The following ALG1L2 variants were observed in gnomAD, a reference collection of about 807,000 sequenced individuals.
ALG1L2 encodes the protein putative glycosyltransferase ALG1L2.
A neutral mutation model predicts 29.0 loss-of-function variants in ALG1L2; 32 were observed. The ratio of observed to expected loss-of-function variants is 1.10; its 90% CI spans 0.83 to 1.48. The LOEUF (loss-of-function observed/expected upper bound fraction) is 1.48, where lower values mean the gene tolerates loss of function less well. ALG1L2 is among the 40% of genes most tolerant of loss of function. The pLI, the probability that ALG1L2 is intolerant of heterozygous loss-of-function variation, is 0.00. For synonymous variants in ALG1L2, 110 were observed against 109.5 expected (o/e 1.00, Z -0.03); for missense variants, 318 against 274.1 (o/e 1.16, Z -1.13).
At chr3:130,088,894 T>C (rs984589072) in intron 1 of ALG1L2, among the ~76,000 whole-genome samples, 7 of 152,310 alleles carry the variant, frequency 4.6e-5, no homozygotes, top group Non-Finnish European at 8.8e-5. Flanking sequence ...GTCTCAGGTA[T>C]GTCTTTATTA....
At chr3:130,091,718 T>A (rs1026749072) in intron 2 of ALG1L2, 23 of 557,590 alleles carry the variant, frequency 4.1e-5, no homozygotes, top group African/African-American at 4.1e-4. Context: ...TGTGGACCTG[T>A]GTGTCCCCTG....
intron 6 of ALG1L2, among the ~76,000 whole-genome samples, chr3:130,096,845 CA>C (rs1351937473): frequency 2.6e-5 from 4 of 152,186 alleles, no homozygotes; most frequent in Non-Finnish European, 5.9e-5. Context: ...AACCAGTCCC[CA>C]GGGGGTTGCC....
chr3:130,092,135 G>A lies in ALG1L2; in HGVS notation c.166G>A (p.Ala56Thr). Residue 56 changes from alanine to threonine, a missense_variant, in exon 3 of 8, where the codon GCC becomes ACC. Ala to Thr is a moderately conservative substitution (Grantham distance 58). Coordinates refer to ENST00000425059, the MANE Select transcript of ALG1L2 (RefSeq NM_001136152.1). ...EPEDPDTERS[A>T]FTERDSGSGL... ...TGAGGACCCAGACACAGAGCGGTCG[G>A]CCTTCACGGAGCGGGATTCTGGGAG... The A allele has an allele frequency of 3.1e-6, 5 of 1,613,624 alleles. No homozygotes were observed. The highest frequency in any genetic ancestry group is 2.2e-5 in the East Asian group (1 of 44,862).
chr3:130,097,520 G>A (rs1390350332), intron 7 of ALG1L2, among the ~76,000 whole-genome samples: 2 of 152,254 alleles, frequency 1.3e-5, no homozygotes, highest in Non-Finnish European at 2.9e-5. Context: ...GGTGGGCCAG[G>A]CTGCAGTTTA....
chr3:130,082,326 A>T (rs1240976361), intron 1 of ALG1L2, among the ~76,000 whole-genome samples: 1 of 118,582 alleles, frequency 8.4e-6, no homozygotes, highest in Non-Finnish European at 2.0e-5. Flanking sequence ...ATTCCTCCTC[A>T]TTTTATGTGT....
intron 3 of ALG1L2, among the ~76,000 whole-genome samples, chr3:130,092,596 C>T (rs1935041696): frequency 1.3e-5 from 2 of 152,256 alleles, no homozygotes; most frequent in East Asian, 1.9e-4. Context: ...GCCCTGAATC[C>T]CCAGTTGGGT....
chr3:130,089,831 A>G (rs1257566230), intron 1 of ALG1L2, among the ~76,000 whole-genome samples: 1 of 152,312 alleles, frequency 6.6e-6, no homozygotes, highest in East Asian at 1.9e-4. Flanking sequence ...ACCTGAGGTC[A>G]GGAGTTCGAT....
chr3:130,092,019 G>A (rs1412314005), intron 2 of ALG1L2, 82 bp from the exon 3 acceptor site: 4 of 1,580,990 alleles, frequency 2.5e-6, no homozygotes, highest in South Asian at 2.3e-5. Context: ...GAGCCTGCAG[G>A]CCTCACCATG....
At position 130,092,081 on chromosome 3, in the gene ALG1L2, G is replaced by T. The variant is rs1388762124; in HGVS notation, c.132-20G>T. The T allele has an allele frequency of 5.0e-5, 80 of 1,612,502 alleles. No individual in the cohort carries two copies. Among genetic ancestry groups the T allele is most frequent in the Admixed American group, 6.7e-5 (4 of 59,894 alleles). Reference sequence around the variant, plus strand: ...GGCCTGCTCTGTGGCCTCTCACAGGGTTTTTTTCTGCTCCTTCAGCTCAGA... The same window carrying T: ...GGCCTGCTCTGTGGCCTCTCACAGGTTTTTTTTCTGCTCCTTCAGCTCAGA... On this transcript the variant is annotated intron_variant, in intron 2 of 7. Transcript: ENST00000425059.
At chr3:130,089,210 G>A (rs547347320) in intron 1 of ALG1L2, among the ~76,000 whole-genome samples, 140 of 152,388 alleles carry the variant, frequency 9.2e-4, no homozygotes, top group South Asian at 6.6e-3. Flanking sequence ...AAGCTCCCAA[G>A]TAAACTGAGG....
intron 1 of ALG1L2, among the ~76,000 whole-genome samples, 168 bp downstream of exon 1, chr3:130,082,204 A>T (rs1934799285): frequency 6.7e-6 from 1 of 148,570 alleles, no homozygotes; most frequent in South Asian, 2.1e-4. Context: ...AGAGTGTGAG[A>T]GGGATGGAAA....
chr3:130,083,974 T>C lies in ALG1L2; in HGVS notation c.20+1938T>C, dbSNP rs184910223. Among the ~76,000 whole-genome samples the C allele has an allele frequency of 5.6e-3, 849 of 151,212 alleles. 5 individuals are homozygous for C. Among genetic ancestry groups the C allele is most frequent in the African/African-American group, 0.011 (472 of 41,324 alleles). On this transcript the variant is annotated intron_variant, in intron 1 of 7. Coordinates refer to ENST00000425059, the MANE Select transcript of ALG1L2 (RefSeq NM_001136152.1). ...GCTGGTGGTACTGTTGGCTGGGAAA[T>C]CTAGGAAATCCAGCATTGAAGGACC...
chr3:130,086,150 AAAAC>A (rs1934886899), intron 1 of ALG1L2, among the ~76,000 whole-genome samples: 1 of 151,376 alleles, frequency 6.6e-6, no homozygotes, highest in Admixed American at 6.6e-5. Flanking sequence ...ATCATTTATT[AAAAC>A]AAATAAGAGG....
chr3:130,081,966 G>C lies in ALG1L2; in HGVS notation c.-51G>C, dbSNP rs1175911378. 2 of 1,434,746 alleles carry C rather than the reference G, an allele frequency of 1.4e-6. No homozygotes were observed. Among genetic ancestry groups the C allele is most frequent in the Admixed American group, 2.0e-5 (1 of 49,472 alleles). 88.9% of individuals were successfully genotyped at this position (1,434,746 alleles called of 1,614,324 possible). Reference sequence around the variant, plus strand: ...GGGTGTGAGGCTGTCACAGAGGCTGGAGAAATAAGCAGTTCCTTGCTAAGA... The same window carrying C: ...GGGTGTGAGGCTGTCACAGAGGCTGCAGAAATAAGCAGTTCCTTGCTAAGA... On this transcript the variant is annotated 5_prime_UTR_variant, in exon 1 of 8. Coordinates refer to ENST00000425059, the MANE Select transcript of ALG1L2 (RefSeq NM_001136152.1).
chr3:130,084,545 G>A lies in ALG1L2; in HGVS notation c.20+2509G>A, dbSNP rs1362006895. Among the ~76,000 whole-genome samples the A allele has an allele frequency of 6.1e-5, 8 of 131,414 alleles. 2 individuals carry two copies. The highest frequency in any genetic ancestry group is 1.6e-4 in the Admixed American group (2 of 12,476). The allele number at this position is 131,414 out of a possible 152,430, so 86.2% of individuals were successfully genotyped here. A position where few individuals can be genotyped will look rare whatever the true frequency, so the allele number is the denominator to read the frequency against. On this transcript the variant is annotated intron_variant, in intron 1 of 7. Transcript: ENST00000425059. Reference sequence around the variant, plus strand: ...AGCTAAAATGAAGACAATAACAGCAGCACTTATGGGCGGGGCGGTAGTGGT... The same window carrying A: ...AGCTAAAATGAAGACAATAACAGCAACACTTATGGGCGGGGCGGTAGTGGT...
rs1559788436 is a variant in ALG1L2 at position 130,094,650 on chromosome 3, C to T, written c.424+137C>T. 1.2e-5 allele frequency: 12 copies of T among 1,011,422 alleles called. No individual in the cohort carries two copies. The Admixed American group carries it at 1.3e-4, about 11-fold the overall frequency. 62.7% of individuals were successfully genotyped at this position (1,011,422 alleles called of 1,614,324 possible). A position where few individuals can be genotyped will look rare whatever the true frequency, so the allele number is the denominator to read the frequency against. ...AGGACCTGGGCTCTAGCTGAACTCCCGGGAGAAGGCTACTTCCTGGTGTGC... is the reference window on the plus strand; with the variant it reads ...AGGACCTGGGCTCTAGCTGAACTCCTGGGAGAAGGCTACTTCCTGGTGTGC... On this transcript the variant is annotated intron_variant, in intron 5 of 7. Coordinates refer to ENST00000425059, the MANE Select transcript of ALG1L2 (RefSeq NM_001136152.1).
At chr3:130,083,091 C>CAT (rs1934822188) in intron 1 of ALG1L2, among the ~76,000 whole-genome samples, 1 of 132,292 alleles carries the variant, frequency 7.6e-6, no homozygotes, top group Non-Finnish European at 1.8e-5. Flanking sequence ...CTTCCTTATG[C>CAT]ATCAGTAAGC....
At chr3:130,088,458 C>T (rs181720779) in intron 1 of ALG1L2, among the ~76,000 whole-genome samples, 134 of 152,412 alleles carry the variant, frequency 8.8e-4, no homozygotes, top group Non-Finnish European at 1.5e-3. Context: ...CACTCTGTTG[C>T]CCAGGCTGGA....
Position 130,096,731 on chromosome 3 carries a change from G to A in ALG1L2, c.540-444G>A, listed in dbSNP as rs1245786178. 3.9e-5 allele frequency among the ~76,000 whole-genome samples: 6 copies of A among 152,110 alleles called. 1 individual carries two copies. Among genetic ancestry groups the A allele is most frequent in the South Asian group, 4.2e-4 (2 of 4,814 alleles). The stretch of plus-strand genomic sequence containing the variant: ...CGCCCTTGGCCCCTGCTCAGGAGCC[G>A]GCCCCTGGATGGGATTCAGGGATGT... On this transcript the variant is annotated intron_variant, in intron 6 of 7. Transcript: ENST00000425059.
Sources: gnomAD v4.1 joint callset for allele counts (sites outside exome capture counted in the v4.1 genomes callset) on GRCh38, gnomAD v4.1.1 for gene constraint, MANE v1.5 for transcripts, NCBI Gene and HGNC (gene_info 2026-07-23, HGNC 2026-07-21) for gene names.